The following SSPN variants were observed in gnomAD, a reference collection of about 807,000 sequenced individuals.
SSPN encodes K-ras oncogene-associated protein.
Under a neutral mutation model 19.1 loss-of-function variants are expected in SSPN, and 15 were observed. The observed-to-expected ratio is 0.78, with a 90% confidence interval of 0.52 to 1.21. The LOEUF is 1.21. SSPN is among the 50% of genes most tolerant of loss of function. SSPN has a pLI of 0.00. For synonymous variants in SSPN, 147 were observed against 140.3 expected, an observed-to-expected ratio of 1.05 and a Z score of -0.34; for missense variants, 291 against 314.0, an observed-to-expected ratio of 0.93 and a Z score of 0.55.
intron 1 of SSPN, among the ~76,000 whole-genome samples, chr12:26,223,186 A>T (rs4963656): frequency 0.29 from 43,883 of 152,046 alleles, 6,585 homozygotes; most frequent in Admixed American, 0.4. Context: ...ATCCCCAGAT[A>T]TTCATCCTAC....
At chr12:26,230,223 T>TA (rs1455552740) in intron 2 of SSPN, among the ~76,000 whole-genome samples, 1 of 152,196 alleles carries the variant, frequency 6.6e-6, no homozygotes, top group Non-Finnish European at 1.5e-5. Context: ...TGTAGTCTTT[T>TA]AAAAAAATTA....
At chr12:26,151,589 A>G (rs1419516887) in intron 1 of SSPN, among the ~76,000 whole-genome samples, 2 of 152,184 alleles carry the variant, frequency 1.3e-5, no homozygotes, top group African/African-American at 4.8e-5. Flanking sequence ...TTGGGAGTAA[A>G]TCAGTGAACA....
chr12:26,221,363 C>T (rs1046440646), intron 1 of SSPN, among the ~76,000 whole-genome samples: 22 of 152,320 alleles, frequency 1.4e-4, no homozygotes, highest in African/African-American at 5.3e-4. Context: ...TATTCCAACT[C>T]ATTATCCTCT....
intron 1 of SSPN, chr12:26,123,751 T>G (rs1262518178): frequency 6.3e-7 from 1 of 1,583,412 alleles, no homozygotes; most frequent in Non-Finnish European, 8.7e-7. Flanking sequence ...TCTGCAGTGG[T>G]GCAAAAAAGA....
At chr12:26,186,059 G>A (rs1416895214) in intron 1 of SSPN, among the ~76,000 whole-genome samples, 1 of 152,130 alleles carries the variant, frequency 6.6e-6, no homozygotes, top group African/African-American at 2.4e-5. Context: ...AAAATGAAAA[G>A]GCAAAAGTTA....
chr12:26,197,933 A>G (rs1944844335), intron 1 of SSPN, among the ~76,000 whole-genome samples: 1 of 152,248 alleles, frequency 6.6e-6, no homozygotes, highest in African/African-American at 2.4e-5. Flanking sequence ...GAGCCAGGCC[A>G]GGAACAACTC....
chr12:26,208,018 TGGG>T (rs57868336), intron 1 of SSPN, among the ~76,000 whole-genome samples: 16,809 of 134,868 alleles, frequency 0.12, 1,301 homozygotes, highest in Non-Finnish European at 0.18. Context: ...GTGGTGGTGG[TGGG>T]GGGGGGGGAT....
chr12:26,232,243 C>T lies in SSPN; in HGVS notation c.*1167C>T. 1.0e-6 allele frequency: 1 copy of T among 985,366 alleles called. No individual in the cohort carries two copies. Among genetic ancestry groups the T allele is most frequent in the Non-Finnish European group, 1.2e-6 (1 of 829,902 alleles). The allele number at this position is 985,366 out of a possible 1,614,324, so 61.0% of individuals were successfully genotyped here. ...CGTATGCTTAGTCAACCTAGGAAAT[C>T]AAAATAATGTTTTGAAGTTCTTATT... is the stretch of plus-strand genomic sequence containing the variant. On this transcript the variant is annotated 3_prime_UTR_variant, in exon 3 of 3. Transcript: ENST00000242729.
intron 1 of SSPN, among the ~76,000 whole-genome samples, chr12:26,158,595 G>A (rs1355752523): frequency 6.6e-6 from 1 of 152,266 alleles, no homozygotes; most frequent in African/African-American, 2.4e-5. Context: ...ACTCTGAATA[G>A]TCTGCAGCAA....
Position 26,233,659 on chromosome 12 carries a change from CA to C in SSPN, c.*2584del, listed in dbSNP as rs1290991908. ...AACAGATACACAGCTTTACACTTAGCAGAATGTTACATTTAAAATCTGACAA... is the reference window on the plus strand; with the variant it reads ...AACAGATACACAGCTTTACACTTAGCGAATGTTACATTTAAAATCTGACAA... On this transcript the variant is annotated 3_prime_UTR_variant, in exon 3 of 3. Coordinates refer to ENST00000242729, the MANE Select transcript of SSPN (RefSeq NM_005086.5). The surrounding 1 kb of genome is among the most constrained non-coding windows in gnomAD (Gnocchi z 4.3). 2 of 152,108 alleles carry C rather than the reference CA, an allele frequency of 1.3e-5. No homozygotes were observed. Among genetic ancestry groups the C allele is most frequent in the African/African-American group, 4.8e-5 (2 of 41,402 alleles). 9.4% of individuals were successfully genotyped at this position (152,108 alleles called of 1,614,324 possible).
chr12:26,157,598 A>G (rs887803287), intron 1 of SSPN, among the ~76,000 whole-genome samples: 4 of 152,214 alleles, frequency 2.6e-5, no homozygotes, highest in African/African-American at 9.6e-5. Context: ...GAGAATTCTC[A>G]CACATACCCA....
chr12:26,139,442 G>A (rs1944446686), intron 1 of SSPN, among the ~76,000 whole-genome samples: 2 of 152,096 alleles, frequency 1.3e-5, no homozygotes, highest in African/African-American at 4.8e-5. Context: ...CCCTATTTTT[G>A]TGTGCTATTC....
chr12:26,206,927 C>T (rs575048871), intron 1 of SSPN, among the ~76,000 whole-genome samples: 1 of 152,316 alleles, frequency 6.6e-6, no homozygotes, highest in East Asian at 1.9e-4. Context: ...TCTGTATTTT[C>T]ATATACCAGG....
intron 1 of SSPN, among the ~76,000 whole-genome samples, chr12:26,217,117 C>G (rs1486309765): frequency 7.7e-6 from 1 of 129,122 alleles, no homozygotes; most frequent in Admixed American, 8.0e-5. Context: ...TGAAGAAAGG[C>G]ATTGGTAGCT....
intron 1 of SSPN, among the ~76,000 whole-genome samples, chr12:26,179,081 A>G (rs749769901): frequency 5.9e-5 from 9 of 152,226 alleles, no homozygotes; most frequent in Non-Finnish European, 1.3e-4. Flanking sequence ...AAAGGGCTGA[A>G]GGAGCAGAGC....
chr12:26,202,214 TA>T (rs1228889154), intron 1 of SSPN, among the ~76,000 whole-genome samples: 1 of 152,208 alleles, frequency 6.6e-6, no homozygotes, highest in Non-Finnish European at 1.5e-5. Context: ...ATCCTTTTTT[TA>T]TCCAAATGTT....
intron 1 of SSPN, among the ~76,000 whole-genome samples, chr12:26,152,223 G>T (rs1402607419): frequency 6.6e-6 from 1 of 152,128 alleles, no homozygotes. Context: ...TGAGGCCACT[G>T]CTTGCAGGAA....
intron 1 of SSPN, among the ~76,000 whole-genome samples, chr12:26,168,049 A>G (rs1283874534): frequency 6.6e-6 from 1 of 151,894 alleles, no homozygotes; most frequent in Non-Finnish European, 1.5e-5. Context: ...CCCCATCTCT[A>G]CAAAAAATAC....
At chr12:26,161,399 C>G (rs1394075416) in intron 1 of SSPN, among the ~76,000 whole-genome samples, 1 of 152,084 alleles carries the variant, frequency 6.6e-6, no homozygotes, top group Non-Finnish European at 1.5e-5. Context: ...CCAATGGCAT[C>G]CTCTGGGTTC....
Sources: gnomAD v4.1 joint callset for allele counts (sites outside exome capture counted in the v4.1 genomes callset) on GRCh38, gnomAD v4.1.1 for gene constraint, Gnocchi (gnomAD v3.1) non-coding constraint, MANE v1.5 for transcripts, NCBI Gene and HGNC (gene_info 2026-07-23, HGNC 2026-07-21) for gene names.